The following CUX1 variants were observed in gnomAD, a reference collection of about 807,000 sequenced individuals.
The protein encoded by CUX1 is protein CASP.
CUX1 carries 31 observed loss-of-function variants against 158.8 expected under a neutral mutation model. The ratio of observed to expected loss-of-function variants is 0.20; its 90% CI spans 0.15 to 0.26. The LOEUF (loss-of-function observed/expected upper bound fraction) is 0.26. Among genes scored for constraint, CUX1 ranks in the 10% least tolerant of loss-of-function variants. CUX1 has a pLI of 1.00. For missense variants in CUX1, 1,589 were observed against 2,014.6 expected, an observed-to-expected ratio of 0.79 and a Z score of 4.04; for synonymous variants, 879 against 862.1, an observed-to-expected ratio of 1.02 and a Z score of -0.34.
chr7:102,000,021 A>C (rs914705966), intron 2 of CUX1, among the ~76,000 whole-genome samples: 2 of 152,220 alleles, frequency 1.3e-5, no homozygotes, highest in African/African-American at 4.8e-5. Context: ...GCTCAAGACC[A>C]GCCTGGCCAA....
rs1001612637 is a variant in CUX1 at position 101,879,631 on chromosome 7, C to A, written c.31-36484C>A. ...GCCAGCCAGCCAGTGTGGTGTGACC[C>A]CCCTGACAGTGGGCTCTCCCGGCTG... On this transcript the variant is annotated intron_variant, in intron 1 of 23. Coordinates refer to ENST00000292535, the MANE Select transcript of CUX1 (RefSeq NM_181552.4). Among the ~76,000 whole-genome samples the A allele has an allele frequency of 2.7e-4, 40 of 150,308 alleles. 1 individual carries two copies. The highest frequency in any genetic ancestry group is 3.9e-4 in the Admixed American group (6 of 15,212).
intron 2 of CUX1, among the ~76,000 whole-genome samples, chr7:102,013,598 A>T (rs922878095): frequency 6.6e-6 from 1 of 152,266 alleles, no homozygotes; most frequent in Non-Finnish European, 1.5e-5. Flanking sequence ...ACAATTTTCC[A>T]TAGATCCAAG....
intron 3 of CUX1, among the ~76,000 whole-genome samples, chr7:102,031,413 T>C (rs1394778084): frequency 6.6e-6 from 1 of 152,148 alleles, no homozygotes; most frequent in Non-Finnish European, 1.5e-5. Context: ...TCTTAGCAAA[T>C]TATCTTGTAG....
chr7:101,843,783 C>T (rs1332463732), intron 1 of CUX1, among the ~76,000 whole-genome samples: 1 of 152,048 alleles, frequency 6.6e-6, no homozygotes, highest in African/African-American at 2.4e-5. Context: ...GACTGTGGCC[C>T]TCGGGTGTGC....
At chr7:102,100,937 C>T (rs1290815263) in intron 5 of CUX1, among the ~76,000 whole-genome samples, 1 of 152,192 alleles carries the variant, frequency 6.6e-6, no homozygotes, top group African/African-American at 2.4e-5. Context: ...CGATGCCAGC[C>T]TCTGCCCAGC....
rs1554542623 is a variant in CUX1, at chr7:102,257,876, A to G, written c.*8834A>G. On this transcript the variant is annotated 3_prime_UTR_variant, in exon 24 of 24. Coordinates refer to ENST00000292535, the MANE Select transcript of CUX1 (RefSeq NM_181552.4). Reference sequence around the variant, plus strand: ...AGAGACCCAATTGACCAAAAAAGAAAAAAGGAAAAAAAAAAAGTCGTCTTT... The same window carrying G: ...AGAGACCCAATTGACCAAAAAAGAAGAAAGGAAAAAAAAAAAGTCGTCTTT... 1.0e-6 allele frequency: 1 copy of G among 984,582 alleles called. No homozygotes were observed. Among genetic ancestry groups the G allele is most frequent in the Non-Finnish European group, 1.2e-6 (1 of 829,672 alleles). 61.0% of individuals were successfully genotyped at this position (984,582 alleles called of 1,614,324 possible).
chr7:102,214,135 AAATAAT>A (rs148043587), intron 20 of CUX1, among the ~76,000 whole-genome samples: 4,005 of 151,854 alleles, frequency 0.026, 194 homozygotes, highest in African/African-American at 0.092. Flanking sequence ...TTCATCTCAA[AAATAAT>A]AATAATAATA....
chr7:102,119,219 G>A (rs1478483469), intron 8 of CUX1, among the ~76,000 whole-genome samples: 1 of 152,158 alleles, frequency 6.6e-6, no homozygotes, highest in Non-Finnish European at 1.5e-5. Context: ...GACTTTCACC[G>A]CATCACCACG....
chr7:101,893,194 G>A (rs1801091736), intron 1 of CUX1, among the ~76,000 whole-genome samples: 4 of 93,250 alleles, frequency 4.3e-5, no homozygotes, highest in South Asian at 7.0e-4. Flanking sequence ...TTAAAATAGA[G>A]ATGAGGGCTT....
At chr7:102,215,754 A>G (rs1260337394) in intron 20 of CUX1, among the ~76,000 whole-genome samples, 1 of 152,030 alleles carries the variant, frequency 6.6e-6, no homozygotes, top group Admixed American at 6.6e-5. Context: ...GACAGGAGGC[A>G]CCCCACCACA....
intron 6 of CUX1, among the ~76,000 whole-genome samples, chr7:102,107,059 C>G (rs1186262995): frequency 6.6e-6 from 1 of 151,780 alleles, no homozygotes; most frequent in Non-Finnish European, 1.5e-5. Context: ...GATATGCCAT[C>G]TCTATGGCAT....
rs573189970 is a variant in CUX1, at chr7:101,936,567, C to T, written c.141+20342C>T. Among the ~76,000 whole-genome samples the T allele has an allele frequency of 1.9e-4, 29 of 152,228 alleles. No homozygotes were observed. The East Asian group carries it at 2.9e-3, about 15-fold the overall frequency. On this transcript the variant is annotated intron_variant, in intron 2 of 23. Coordinates refer to ENST00000292535, the MANE Select transcript of CUX1 (RefSeq NM_181552.4). ...GAAAAGGTTATCCTTCAAGGGTGAG[C>T]GGGGGCTAAGTGCAGGGGACAGAAG...
At chr7:102,229,801 A>G (rs1554530044) in intron 21 of CUX1, among the ~76,000 whole-genome samples, 1 of 151,468 alleles carries the variant, frequency 6.6e-6, no homozygotes, top group Non-Finnish European at 1.5e-5. Context: ...TATTTTCAGT[A>G]GAGACAGAGT....
intron 2 of CUX1, among the ~76,000 whole-genome samples, chr7:101,967,253 T>TAGAG (rs1291573355): frequency 6.6e-6 from 1 of 151,934 alleles, no homozygotes; most frequent in Non-Finnish European, 1.5e-5. Context: ...GACCTCAGGC[T>TAGAG]ATCCACCCGC....
chr7:102,029,956 T>G (rs188579094), intron 3 of CUX1, among the ~76,000 whole-genome samples: 1 of 152,186 alleles, frequency 6.6e-6, no homozygotes, highest in East Asian at 1.9e-4. Context: ...TTCTTTCTTA[T>G]TGAAAAATTT....
Position 102,248,686 on chromosome 7 carries a change from G to T in CUX1, c.4162G>T (p.Asp1388Tyr). The T allele has an allele frequency of 7.8e-7, 1 of 1,283,054 alleles. No homozygotes were observed. Among genetic ancestry groups the T allele is most frequent in the Non-Finnish European group, 9.9e-7 (1 of 1,013,318 alleles). The allele number at this position is 1,283,054 out of a possible 1,614,324, so 79.5% of individuals were successfully genotyped here. A position where few individuals can be genotyped will look rare whatever the true frequency, so the allele number is the denominator to read the frequency against. ...SGTPGPDDAR[D>Y]DDHEGGPVEG... Reference sequence around the variant, plus strand: ...GACCCCGGGCCCGGACGACGCCCGCGACGACGACCACGAGGGAGGCCCCGT... The same window carrying T: ...GACCCCGGGCCCGGACGACGCCCGCTACGACGACCACGAGGGAGGCCCCGT... Residue 1388 changes from aspartate to tyrosine, a missense_variant, in exon 24 of 24, where the codon GAC becomes TAC. Coordinates refer to ENST00000292535, the MANE Select transcript of CUX1 (RefSeq NM_181552.4). This position sits in a 1 kb window ranked among gnomAD's most constrained non-coding sequence, Gnocchi z 5.8.
chr7:102,030,691 G>GGTTTTTT (rs537970250), intron 3 of CUX1, among the ~76,000 whole-genome samples: 4 of 119,386 alleles, frequency 3.4e-5, no homozygotes, highest in African/African-American at 1.2e-4. Flanking sequence ...TTTAAAAAGT[G>GGTTTTTT]TTTTTTTTTT....
At chr7:101,911,549 C>T (rs1263049239) in intron 1 of CUX1, among the ~76,000 whole-genome samples, 1 of 152,068 alleles carries the variant, frequency 6.6e-6, no homozygotes, top group Non-Finnish European at 1.5e-5. Context: ...TGGCCTTGAC[C>T]TTGGCCCTCC....
In CUX1 at chr7:102,248,465, G is replaced by T; in HGVS notation, c.3941G>T (p.Gly1314Val). 6.3e-7 allele frequency: 1 copy of T among 1,596,688 alleles called. No homozygotes were observed. Reference protein sequence around the residue: ...FIEEIQAGSQGQAGASDSPSA... With the variant: ...FIEEIQAGSQVQAGASDSPSA... ...GAGGAAATTCAGGCCGGGAGTCAGGGCCAGGCGGGCGCCAGCGACTCACCC... is the reference window on the plus strand; with the variant it reads ...GAGGAAATTCAGGCCGGGAGTCAGGTCCAGGCGGGCGCCAGCGACTCACCC... Residue 1314 changes from glycine to valine, a missense_variant, in exon 24 of 24, where the codon GGC becomes GTC. Physicochemically the swap from Gly to Val is moderately radical, Grantham distance 109. Transcript: ENST00000292535. The surrounding 1 kb of genome is among the most constrained non-coding windows in gnomAD (Gnocchi z 5.8).
Sources: gnomAD v4.1 joint callset for allele counts (sites outside exome capture counted in the v4.1 genomes callset) on GRCh38, gnomAD v4.1.1 for gene constraint, Gnocchi (gnomAD v3.1) non-coding constraint, MANE v1.5 for transcripts, NCBI Gene and HGNC (gene_info 2026-07-23, HGNC 2026-07-21) for gene names.